MFSD11: variants seen among roughly 807,000 people sequenced by gnomAD.
The protein encoded by MFSD11 is major facilitator superfamily domain containing 11.
A neutral mutation model predicts 53.5 loss-of-function variants in MFSD11; 36 were observed. The observed-to-expected ratio is 0.67, with a 90% CI of 0.52 to 0.89. The LOEUF (loss-of-function observed/expected upper bound fraction) is 0.89, where lower values mean the gene tolerates loss of function less well. MFSD11 is among the 40% of genes least tolerant of loss of function. The pLI is 0.00. For synonymous variants in MFSD11, 186 were observed against 184.9 expected (o/e 1.01, Z -0.05); for missense variants, 530 against 543.9 (o/e 0.97, Z 0.25).
chr17:76,754,182 C>T, intron 8 of MFSD11, 95 bp downstream of exon 8: 1 of 975,430 alleles, frequency 1.0e-6, no homozygotes, highest in Non-Finnish European at 1.6e-6. Flanking sequence ...ATTGATGACA[C>T]CCCAGGGTTT....
chr17:76,784,886 G>A (rs564840281), downstream of MFSD11, among the ~76,000 whole-genome samples: 1 of 152,300 alleles, frequency 6.6e-6, no homozygotes, highest in Admixed American at 6.5e-5. Context: ...GCAACAGAGT[G>A]AGACTCCGTC....
chr17:76,790,650 C>A, the MFSD11 span, among the ~76,000 whole-genome samples: 1 of 142,656 alleles, frequency 7.0e-6, no homozygotes, highest in African/African-American at 2.6e-5. Context: ...ATATTGGAAA[C>A]ATATTCCCTA....
At chr17:76,740,850 A>T in intron 2 of MFSD11, 107 bp from the exon 3 acceptor site, 1 of 670,072 alleles carries the variant, frequency 1.5e-6, no homozygotes, top group South Asian at 1.8e-5. Context: ...AAATAATATG[A>T]GTGTTTATTG....
At chr17:76,767,267 C>G (rs1305799864) in intron 8 of MFSD11, 119 bp from the exon 9 acceptor site, 1 of 626,324 alleles carries the variant, frequency 1.6e-6, no homozygotes, top group Non-Finnish European at 2.8e-6. Context: ...AAAGTTATAT[C>G]CCAAAGTGTT....
At chr17:76,762,639 G>T (rs2080376992) in intron 8 of MFSD11, among the ~76,000 whole-genome samples, 1 of 132,196 alleles carries the variant, frequency 7.6e-6, no homozygotes, top group East Asian at 2.5e-4. Flanking sequence ...CTGGGCGACT[G>T]AGCGAGACTC....
downstream of MFSD11, among the ~76,000 whole-genome samples, chr17:76,781,634 C>T (rs1266618757): frequency 6.6e-6 from 1 of 152,104 alleles, no homozygotes; most frequent in Non-Finnish European, 1.5e-5. Context: ...GTGAAGCCAC[C>T]TCTGTTAATG....
chr17:76,742,464 A>G (rs1024074253), intron 5 of MFSD11, among the ~76,000 whole-genome samples, 191 bp downstream of exon 5: 1 of 152,012 alleles, frequency 6.6e-6, no homozygotes, highest in Non-Finnish European at 1.5e-5. Flanking sequence ...CTAGCTACTC[A>G]GGACTATTTA....
At chr17:76,762,270 C>G (rs1056828984) in intron 8 of MFSD11, among the ~76,000 whole-genome samples, 19 of 152,134 alleles carry the variant, frequency 1.2e-4, no homozygotes, top group Admixed American at 2.0e-4. Context: ...TCATTCATGT[C>G]ACAATATATT....
chr17:76,797,525 T>G, the MFSD11 span, among the ~76,000 whole-genome samples: 1 of 152,120 alleles, frequency 6.6e-6, no homozygotes, highest in African/African-American at 2.4e-5. Context: ...TGTGTTGGTT[T>G]TGGTGGGTTT....
Position 76,754,053 on chromosome 17 carries a change from C to A in MFSD11, c.648C>A (p.Ala216=). Residue 216 remains alanine, a synonymous_variant, in exon 8 of 13, where the codon GCC becomes GCA. Transcript: ENST00000685175. ...TTACATTTTATTTTCTCAGGTCTGC[C>A]CAGAACAATCTGACAAAGGCAGTAG... The part of the protein sequence containing the change: ...DDQDMEVNES[A]QNNLTKAVDA... The A allele has an allele frequency of 6.2e-7, 1 of 1,612,204 alleles. No individual in the cohort carries two copies. The highest frequency in any genetic ancestry group is 1.1e-5 in the South Asian group (1 of 90,910).
chr17:76,798,033 AC>A, the MFSD11 span, among the ~76,000 whole-genome samples: 1 of 151,102 alleles, frequency 6.6e-6, no homozygotes, highest in African/African-American at 2.4e-5. Context: ...ACAGGTGCGC[AC>A]CACCACGCCC....
chr17:76,752,138 A>G (rs140543582), intron 7 of MFSD11, among the ~76,000 whole-genome samples: 1 of 152,360 alleles, frequency 6.6e-6, no homozygotes, highest in East Asian at 1.9e-4. Flanking sequence ...TGCCATCCTC[A>G]GTATTATAGC....
At chr17:76,759,756 CTTTTT>C (rs1159131964) in intron 8 of MFSD11, among the ~76,000 whole-genome samples, 3 of 27,004 alleles carry the variant, frequency 1.1e-4, no homozygotes, top group East Asian at 9.7e-4. Flanking sequence ...CGTGACCGGC[CTTTTT>C]TTTTTTTTTT....
intron 7 of MFSD11, 32 bp from the exon 8 acceptor site, chr17:76,754,015 A>G: frequency 1.3e-6 from 2 of 1,581,140 alleles, no homozygotes; most frequent in Non-Finnish European, 1.7e-6. Context: ...TTCAAAAAGA[A>G]AAAACTTATT....
chr17:76,767,512 G>A (rs1022402356), intron 9 of MFSD11, 61 bp downstream of exon 9: 6 of 1,038,432 alleles, frequency 5.8e-6, no homozygotes, highest in Admixed American at 4.1e-5. Context: ...AGTTGAAAAC[G>A]AGCCACGTTA....
chr17:76,766,459 T>C (rs1453716977), intron 8 of MFSD11, among the ~76,000 whole-genome samples: 1 of 149,540 alleles, frequency 6.7e-6, no homozygotes, highest in Non-Finnish European at 1.5e-5. Flanking sequence ...AATAAATAAA[T>C]AAAATAAAAT....
At chr17:76,799,942 C>A in the MFSD11 span, among the ~76,000 whole-genome samples, 1 of 143,772 alleles carries the variant, frequency 7.0e-6, no homozygotes, top group African/African-American at 2.7e-5. Flanking sequence ...CTCTTTTTTT[C>A]TTTTTCTTTT....
intron 8 of MFSD11, among the ~76,000 whole-genome samples, chr17:76,755,736 ATATGTATATATATGTGTATATG>A (rs2079501564): frequency 7.7e-6 from 1 of 130,104 alleles, no homozygotes; most frequent in Non-Finnish European, 1.7e-5. Flanking sequence ...ATATGTATAT[ATATGTATATATATGTGTATATG>A]TATATATGTA....
chr17:76,771,060 C>T (rs575251207), intron 10 of MFSD11, among the ~76,000 whole-genome samples: 57 of 152,292 alleles, frequency 3.7e-4, no homozygotes, highest in Admixed American at 3.9e-4. Flanking sequence ...AAAAAACAAT[C>T]ATTGGCCATT....
Sources: gnomAD v4.1 joint callset for allele counts (sites outside exome capture counted in the v4.1 genomes callset) on GRCh38, gnomAD v4.1.1 for gene constraint, MANE v1.5 for transcripts, NCBI Gene and HGNC (gene_info 2026-07-23, HGNC 2026-07-21) for gene names.